Variants in ANGPT1 observed in about 807,000 individuals in gnomAD.
The protein encoded by ANGPT1 is angiopoietin 1.
ANGPT1 carries 17 observed loss-of-function variants against 62.2 expected under a neutral mutation model. That is an observed-to-expected ratio of 0.27 (90% CI 0.19 to 0.41). The LOEUF is 0.41. ANGPT1 is among the 10% of genes least tolerant of loss of function. ANGPT1 has a pLI of 1.00. For synonymous variants in ANGPT1, 199 were observed against 198.9 expected (o/e 1.00, Z 0.00); for missense variants, 478 against 594.9 (o/e 0.80, Z 2.04).
At position 107,284,593 on chromosome 8, in the gene ANGPT1, T is replaced by A. The variant is rs1243556946; in HGVS notation, c.1205+89A>T. 5 of 1,187,046 alleles carry A rather than the reference T, an allele frequency of 4.2e-6. No homozygotes were observed. In the African/African-American group the frequency reaches 4.7e-5, roughly 11 times the overall value. The allele number at this position is 1,187,046 out of a possible 1,614,324, so 73.5% of individuals were successfully genotyped here. Reference sequence around the variant, plus strand: ...AAAGAATTTTCATTTTGAAGGATGATTTTCATTTCTTTTTTTCATATTTTC... The same window carrying A: ...AAAGAATTTTCATTTTGAAGGATGAATTTCATTTCTTTTTTTCATATTTTC... On this transcript the variant is annotated intron_variant, in intron 7 of 8. Transcript: ENST00000517746.
At chr8:107,373,078 A>G (rs1045619336) in intron 1 of ANGPT1, among the ~76,000 whole-genome samples, 6 of 152,172 alleles carry the variant, frequency 3.9e-5, no homozygotes, top group African/African-American at 1.4e-4. Flanking sequence ...TCTCAGACAG[A>G]AAAGTGATAA....
At chr8:107,318,842 C>T (rs1815083170) in intron 4 of ANGPT1, among the ~76,000 whole-genome samples, 1 of 152,104 alleles carries the variant, frequency 6.6e-6, no homozygotes, top group Non-Finnish European at 1.5e-5. Context: ...AGAACATTTA[C>T]AATCCACTTT....
chr8:107,438,080 C>T (rs1213798692), intron 1 of ANGPT1, among the ~76,000 whole-genome samples: 2 of 152,150 alleles, frequency 1.3e-5, no homozygotes, highest in African/African-American at 2.4e-5. Flanking sequence ...TGCCAAACAC[C>T]TTAACCCTCC....
intron 4 of ANGPT1, among the ~76,000 whole-genome samples, chr8:107,310,125 T>C (rs1293620416): frequency 6.6e-6 from 1 of 152,134 alleles, no homozygotes; most frequent in Non-Finnish European, 1.5e-5. Flanking sequence ...TACCATTTTT[T>C]ATGGAACTAT....
chr8:107,437,264 T>A (rs192447850), intron 1 of ANGPT1, among the ~76,000 whole-genome samples: 105 of 152,332 alleles, frequency 6.9e-4, no homozygotes, highest in African/African-American at 2.3e-3. Flanking sequence ...AGTACCTGAT[T>A]TGAAGAATGT....
At position 107,360,305 on chromosome 8, in the gene ANGPT1, T is replaced by C. The variant is rs116611579; in HGVS notation, c.298-13208A>G. On this transcript the variant is annotated intron_variant, in intron 1 of 8. Coordinates refer to ENST00000517746, the MANE Select transcript of ANGPT1 (RefSeq NM_001146.5). ...TTGAGGTTCTTCCTTTAATTATTTCTCACAGCAGCCCTTTGAAATAGGTAT... is the reference window on the plus strand; with the variant it reads ...TTGAGGTTCTTCCTTTAATTATTTCCCACAGCAGCCCTTTGAAATAGGTAT... 3.8e-3 allele frequency among the ~76,000 whole-genome samples: 586 copies of C among 152,262 alleles called. 6 individuals carry two copies. The highest frequency in any genetic ancestry group is 0.014 in the African/African-American group (564 of 41,558).
intron 3 of ANGPT1, among the ~76,000 whole-genome samples, chr8:107,331,848 C>T (rs2130102428): frequency 6.6e-6 from 1 of 152,252 alleles, no homozygotes; most frequent in African/African-American, 2.4e-5. Flanking sequence ...TCTGCATACT[C>T]AGCACAATCA....
chr8:107,395,934 T>C (rs1816925998), intron 1 of ANGPT1, among the ~76,000 whole-genome samples: 1 of 152,148 alleles, frequency 6.6e-6, no homozygotes, highest in African/African-American at 2.4e-5. Flanking sequence ...CCTCATTCTT[T>C]AGTGAGTACT....
intron 1 of ANGPT1, among the ~76,000 whole-genome samples, chr8:107,424,127 C>T (rs1334222502): frequency 6.7e-6 from 1 of 150,066 alleles, no homozygotes; most frequent in Admixed American, 6.7e-5. Flanking sequence ...AGGAGTGAGC[C>T]ACTGTGCCTG....
rs1433177 is a variant in ANGPT1, at chr8:107,380,853, C to T, written c.298-33756G>A. Reference sequence around the variant, plus strand: ...TGTAGGACAGAGAACCTTAAAGGACCCCACCACTCTCTTACCTGTGTTTGT... The same window carrying T: ...TGTAGGACAGAGAACCTTAAAGGACTCCACCACTCTCTTACCTGTGTTTGT... On this transcript the variant is annotated intron_variant, in intron 1 of 8. Coordinates refer to ENST00000517746, the MANE Select transcript of ANGPT1 (RefSeq NM_001146.5). Among the ~76,000 whole-genome samples, 1,386 of 152,130 alleles carry T rather than the reference C, an allele frequency of 9.1e-3. 16 individuals are homozygous for T. The highest frequency in any genetic ancestry group is 0.031 in the African/African-American group (1,284 of 41,488).
intron 1 of ANGPT1, among the ~76,000 whole-genome samples, chr8:107,350,604 T>G (rs2130171333): frequency 6.6e-6 from 1 of 152,258 alleles, no homozygotes; most frequent in Middle Eastern, 3.4e-3. Flanking sequence ...GCCTCTCAGT[T>G]CTGCTGACCC....
At chr8:107,364,193 G>A (rs1179971101) in intron 1 of ANGPT1, among the ~76,000 whole-genome samples, 4 of 152,106 alleles carry the variant, frequency 2.6e-5, no homozygotes, top group African/African-American at 9.7e-5. Context: ...TAGCAAGCAA[G>A]CATCCACAAG....
chr8:107,424,950 C>T (rs1184226244), intron 1 of ANGPT1, among the ~76,000 whole-genome samples: 36 of 152,168 alleles, frequency 2.4e-4, no homozygotes, highest in Non-Finnish European at 2.9e-5. Flanking sequence ...TCTCGACTCA[C>T]TGCAACCTTC....
At chr8:107,451,341 G>A (rs981893640) in intron 1 of ANGPT1, among the ~76,000 whole-genome samples, 2 of 92,558 alleles carry the variant, frequency 2.2e-5, no homozygotes, top group Non-Finnish European at 5.0e-5. Context: ...ACACACACAC[G>A]TGTACGTGCA....
intron 1 of ANGPT1, among the ~76,000 whole-genome samples, chr8:107,473,467 C>T (rs1812418144): frequency 6.6e-6 from 1 of 151,962 alleles, no homozygotes; most frequent in South Asian, 2.1e-4. Flanking sequence ...AAAAAAAAAG[C>T]TCATATGAGA....
At chr8:107,447,724 G>A (rs938290425) in intron 1 of ANGPT1, among the ~76,000 whole-genome samples, 1 of 152,224 alleles carries the variant, frequency 6.6e-6, no homozygotes, top group African/African-American at 2.4e-5. Context: ...GCTTTCCAAT[G>A]AGGCTCCTAG....
chr8:107,376,157 A>G (rs371012489), intron 1 of ANGPT1, among the ~76,000 whole-genome samples: 11 of 152,302 alleles, frequency 7.2e-5, no homozygotes, highest in African/African-American at 2.6e-4. Flanking sequence ...GCACAGCATT[A>G]TAATGTCCCT....
At chr8:107,408,378 A>C (rs765992020) in intron 1 of ANGPT1, among the ~76,000 whole-genome samples, 2 of 152,196 alleles carry the variant, frequency 1.3e-5, no homozygotes, top group African/African-American at 4.8e-5. Context: ...GGAAAATTTT[A>C]TAAGTTTGAA....
At chr8:107,488,429 G>A (rs1253125442) in intron 1 of ANGPT1, among the ~76,000 whole-genome samples, 2 of 152,038 alleles carry the variant, frequency 1.3e-5, no homozygotes, top group Non-Finnish European at 2.9e-5. Flanking sequence ...TTTAGAAGGA[G>A]GCCTCACTCC....
Sources: gnomAD v4.1 joint callset for allele counts (sites outside exome capture counted in the v4.1 genomes callset) on GRCh38, gnomAD v4.1.1 for gene constraint, MANE v1.5 for transcripts, NCBI Gene and HGNC (gene_info 2026-07-23, HGNC 2026-07-21) for gene names.